SLC44A5: variants seen among roughly 807,000 people sequenced by gnomAD.
SLC44A5 encodes the protein solute carrier family 44 member 5.
A neutral mutation model predicts 101.8 loss-of-function variants in SLC44A5; 57 were observed. That is an observed-to-expected ratio of 0.56 (90% CI 0.45 to 0.70). The LOEUF (loss-of-function observed/expected upper bound fraction) is 0.70, where lower values mean the gene tolerates loss of function less well. SLC44A5 is among the 30% of genes least tolerant of loss of function. The pLI is 0.00. For missense variants in SLC44A5, 737 were observed against 853.1 expected (o/e 0.86, Z 1.70); for synonymous variants, 281 against 290.9 (o/e 0.97, Z 0.35).
At chr1:75,204,082 TA>T (rs1646708447) in intron 23 of SLC44A5, among the ~76,000 whole-genome samples, 1 of 152,222 alleles carries the variant, frequency 6.6e-6, no homozygotes, top group African/African-American at 2.4e-5. Context: ...ATTCTGCCAA[TA>T]TTGCGTGTCT....
chr1:75,722,336 A>G, the SLC44A5 span, among the ~76,000 whole-genome samples: 1 of 152,168 alleles, frequency 6.6e-6, no homozygotes, highest in Non-Finnish European at 1.5e-5. Context: ...TAAAAGCAAA[A>G]TTTATTCAAA....
At chr1:75,685,980 T>C in the SLC44A5 span, among the ~76,000 whole-genome samples, 2 of 152,152 alleles carry the variant, frequency 1.3e-5, no homozygotes, top group Non-Finnish European at 2.9e-5. Flanking sequence ...ACATGTTCTT[T>C]ACACATGGTG....
At chr1:75,541,242 C>T (rs1359253504) in intron 2 of SLC44A5, among the ~76,000 whole-genome samples, 193 bp downstream of exon 2, 1 of 152,150 alleles carries the variant, frequency 6.6e-6, no homozygotes, top group South Asian at 2.1e-4. Context: ...AGACGTCATG[C>T]GTCTCAGAAT....
intron 2 of SLC44A5, among the ~76,000 whole-genome samples, chr1:75,537,585 A>G (rs1050701334): frequency 2.0e-5 from 3 of 152,354 alleles, no homozygotes; most frequent in South Asian, 4.1e-4. Flanking sequence ...CAAGGACAAC[A>G]GCAGGCTTGT....
At chr1:75,470,062 G>T (rs1448478850) in intron 2 of SLC44A5, among the ~76,000 whole-genome samples, 1 of 151,988 alleles carries the variant, frequency 6.6e-6, no homozygotes, top group Non-Finnish European at 1.5e-5. Flanking sequence ...CTTTCTATTT[G>T]ACAGCATATT....
chr1:75,713,061 C>G, the SLC44A5 span, among the ~76,000 whole-genome samples: 1 of 152,146 alleles, frequency 6.6e-6, no homozygotes, highest in African/African-American at 2.4e-5. Context: ...CCACTACCCT[C>G]TATCATTTCA....
At chr1:75,616,943 T>G in the SLC44A5 span, among the ~76,000 whole-genome samples, 147,132 of 152,212 alleles carry the variant, frequency 0.97, 71,155 homozygotes, top group African/African-American at 0.99. Context: ...GTTCTTTCTC[T>G]CTCTGATTGG....
chr1:75,580,405 T>C (rs1030332596), intron 1 of SLC44A5, among the ~76,000 whole-genome samples: 7 of 152,304 alleles, frequency 4.6e-5, no homozygotes, highest in Admixed American at 2.0e-4. Context: ...CTGTCTTATG[T>C]TGTCTCAACC....
intron 2 of SLC44A5, among the ~76,000 whole-genome samples, chr1:75,498,612 T>C (rs961941614): frequency 2.0e-5 from 3 of 152,164 alleles, no homozygotes; most frequent in African/African-American, 4.8e-5. Flanking sequence ...TTCTATTTAA[T>C]AATACAATGA....
In SLC44A5 at chr1:75,209,210, C is replaced by T. The variant is rs187207333; in HGVS notation, c.2047+2258G>A. 7.0e-4 allele frequency among the ~76,000 whole-genome samples: 107 copies of T among 152,252 alleles called. No homozygotes were observed. The East Asian group carries it at 0.017, about 25-fold the overall frequency. On this transcript the variant is annotated intron_variant, in intron 23 of 23. Transcript: ENST00000370859. ...GATGGTGGAAAACATTTCTTACTGT[C>T]AAAATTCAAAATCAACTGCCAAACT...
In SLC44A5 at chr1:75,311,933, G is replaced by T. The variant is rs143257026; in HGVS notation, c.102-11248C>A. ...GGCAGGTGAGACCAGGGTATGTCCTGGGAGCTGACAGATAGCCAGTGATAT... is the reference window on the plus strand; with the variant it reads ...GGCAGGTGAGACCAGGGTATGTCCTTGGAGCTGACAGATAGCCAGTGATAT... On this transcript the variant is annotated intron_variant, in intron 4 of 23. Transcript: ENST00000370859. Among the ~76,000 whole-genome samples, 1,046 of 152,200 alleles carry T rather than the reference G, an allele frequency of 6.9e-3. 16 individuals carry two copies. Among genetic ancestry groups the T allele is most frequent in the African/African-American group, 0.024 (977 of 41,532 alleles).
intron 4 of SLC44A5, among the ~76,000 whole-genome samples, chr1:75,305,884 TA>T (rs946550372): frequency 6.6e-6 from 1 of 152,220 alleles, no homozygotes; most frequent in African/African-American, 2.4e-5. Context: ...CCCGTAGACC[TA>T]GGGAACTTTT....
chr1:75,271,212 A>G (rs1454053367), intron 6 of SLC44A5, among the ~76,000 whole-genome samples: 2 of 152,018 alleles, frequency 1.3e-5, no homozygotes, highest in Non-Finnish European at 1.5e-5. Context: ...GGTTTTCTTG[A>G]TTGTGATAAT....
intron 23 of SLC44A5, chr1:75,204,787 C>T (rs1352634125): frequency 6.6e-6 from 1 of 152,162 alleles, no homozygotes; most frequent in Non-Finnish European, 1.5e-5. Flanking sequence ...CACACATGGC[C>T]AATTTTTCAA....
At chr1:75,229,003 T>G (rs1647321697) in intron 12 of SLC44A5, among the ~76,000 whole-genome samples, 1 of 151,836 alleles carries the variant, frequency 6.6e-6, no homozygotes, top group Admixed American at 6.6e-5. Context: ...GCTTACTAAT[T>G]TATATTCTTT....
At chr1:75,339,431 T>C in intron 4 of SLC44A5, 151 bp downstream of exon 4, 3 of 617,264 alleles carry the variant, frequency 4.9e-6, no homozygotes. Context: ...ACTTTCCCTG[T>C]GTAAATAAGG....
chr1:75,281,045 G>A (rs560384921), intron 5 of SLC44A5, among the ~76,000 whole-genome samples: 2 of 152,256 alleles, frequency 1.3e-5, no homozygotes, highest in East Asian at 3.9e-4. Context: ...GCAGTTTGGA[G>A]GGCTCAGAAG....
chr1:75,681,829 C>T, the SLC44A5 span, among the ~76,000 whole-genome samples: 1 of 152,090 alleles, frequency 6.6e-6, no homozygotes, highest in African/African-American at 2.4e-5. Flanking sequence ...TCCCTGTTTG[C>T]AGATGACATG....
intron 5 of SLC44A5, among the ~76,000 whole-genome samples, chr1:75,280,467 A>T (rs1173577537): frequency 3.8e-5 from 4 of 103,914 alleles, no homozygotes; most frequent in African/African-American, 7.6e-5. Context: ...TAGTATATAT[A>T]ATATATAATT....
Sources: allele counts gnomAD v4.1 joint callset (sites outside exome capture counted in the v4.1 genomes callset), GRCh38; gene constraint gnomAD v4.1.1; transcripts MANE v1.5; gene names NCBI Gene and HGNC (gene_info 2026-07-23, HGNC 2026-07-21).